Variants in WSCD2 observed in about 807,000 individuals in gnomAD.
The protein encoded by WSCD2 is sialate:O-sulfotransferase 2.
Under a neutral mutation model 55.7 loss-of-function variants are expected in WSCD2, and 28 were observed. That is an observed-to-expected ratio of 0.50 (90% CI 0.37 to 0.69). WSCD2 has a LOEUF of 0.69. Ranked by LOEUF, WSCD2 falls within the 30% of genes least tolerant of loss-of-function variation. WSCD2 has a pLI of 0.00. For synonymous variants in WSCD2, 301 were observed against 301.9 expected (o/e 1.00, Z 0.03); for missense variants, 616 against 762.1 (o/e 0.81, Z 2.26).
intron 1 of WSCD2, among the ~76,000 whole-genome samples, chr12:108,139,472 T>C (rs1876558717): frequency 6.6e-6 from 1 of 152,152 alleles, no homozygotes; most frequent in Non-Finnish European, 1.5e-5. Context: ...TCCAGAGTAG[T>C]ACATGCTGCA....
rs764467673 is a variant in WSCD2, at chr12:108,227,124, G to A, written c.939G>A (p.Gly313=). The A allele has an allele frequency of 1.4e-5, 23 of 1,614,046 alleles. No individual in the cohort carries two copies. Among genetic ancestry groups the A allele is most frequent in the Admixed American group, 5.0e-5 (3 of 60,004 alleles). The change falls in exon 6 of 9, where the codon GGG becomes GGA. Residue 313 remains glycine, a synonymous_variant. Coordinates refer to ENST00000547525, the MANE Select transcript of WSCD2 (RefSeq NM_014653.4). Reference sequence around the variant, plus strand: ...GCGCGGAGGAGTTTGAGAGCTGCGGGACTCCTAGTTACTTCATTGTGTACC... The same window carrying A: ...GCGCGGAGGAGTTTGAGAGCTGCGGAACTCCTAGTTACTTCATTGTGTACC... ...KCSAEEFESC[G]TPSYFIVYQT... is the part of the protein sequence containing the mutation.
intron 8 of WSCD2, among the ~76,000 whole-genome samples, chr12:108,243,050 C>T (rs1436621146): frequency 2.6e-5 from 4 of 152,250 alleles, no homozygotes; most frequent in Non-Finnish European, 4.4e-5. Context: ...CCAGTCTCCA[C>T]TCAGCCCATT....
chr12:108,219,766 C>T (rs887265916), intron 4 of WSCD2, among the ~76,000 whole-genome samples: 2 of 152,226 alleles, frequency 1.3e-5, no homozygotes, highest in Non-Finnish European at 2.9e-5. Flanking sequence ...GTACCCAGGA[C>T]AACCCCAAAG....
chr12:108,148,814 C>A (rs1981936), intron 1 of WSCD2, among the ~76,000 whole-genome samples: 100,473 of 152,054 alleles, frequency 0.66, 35,408 homozygotes, highest in East Asian at 0.91. Flanking sequence ...CACTGAAGCC[C>A]CTGACAATAT....
chr12:108,219,755 G>C (rs1317489432), intron 4 of WSCD2, among the ~76,000 whole-genome samples: 2 of 152,166 alleles, frequency 1.3e-5, no homozygotes, highest in African/African-American at 4.8e-5. Context: ...TCCCTGCAAG[G>C]GTACCCAGGA....
intron 4 of WSCD2, among the ~76,000 whole-genome samples, chr12:108,215,697 G>C (rs1544885): frequency 0.067 from 10,249 of 152,178 alleles, 555 homozygotes; most frequent in African/African-American, 0.16. Context: ...TAATGCAGTG[G>C]AGCTTGGCCT....
chr12:108,185,561 C>T (rs1348968210), intron 1 of WSCD2, among the ~76,000 whole-genome samples: 1 of 152,176 alleles, frequency 6.6e-6, no homozygotes, highest in Non-Finnish European at 1.5e-5. Flanking sequence ...TCAGTGACCC[C>T]ACAGTGAGAA....
At chr12:108,157,679 G>A (rs1228938976) in intron 1 of WSCD2, among the ~76,000 whole-genome samples, 1 of 152,192 alleles carries the variant, frequency 6.6e-6, no homozygotes, top group African/African-American at 2.4e-5. Context: ...GCTGAGTGCA[G>A]CTGCTGTCTC....
At chr12:108,184,961 A>G (rs552336268) in intron 1 of WSCD2, among the ~76,000 whole-genome samples, 17 of 152,266 alleles carry the variant, frequency 1.1e-4, no homozygotes, top group African/African-American at 3.9e-4. Context: ...TTGAGCTCTG[A>G]AGAGGGACAG....
intron 1 of WSCD2, among the ~76,000 whole-genome samples, chr12:108,162,144 G>A (rs1231518113): frequency 6.6e-6 from 1 of 152,236 alleles, no homozygotes. Flanking sequence ...CAGAATACTG[G>A]TGAGGGTGGA....
At position 108,249,089 on chromosome 12, in the gene WSCD2, G is replaced by A. The variant is rs1465726945; in HGVS notation, c.*746G>A. On this transcript the variant is annotated 3_prime_UTR_variant, in exon 9 of 9. Transcript: ENST00000547525. ...TGCTGTGTCCAGGAGGTGACCTTGA[G>A]ATCCTGATACCACCTTCAAGGAACC... The A allele has an allele frequency of 4.4e-6, 1 of 225,872 alleles. No homozygotes were observed. The highest frequency in any genetic ancestry group is 7.4e-6 in the Non-Finnish European group (1 of 135,298). 14.0% of individuals were successfully genotyped at this position (225,872 alleles called of 1,614,324 possible). A position where few individuals can be genotyped will look rare whatever the true frequency, so the allele number is the denominator to read the frequency against.
intron 8 of WSCD2, 52 bp from the exon 9 acceptor site, chr12:108,247,939 G>A: frequency 6.4e-7 from 1 of 1,568,584 alleles, no homozygotes; most frequent in South Asian, 1.2e-5. Context: ...ATCTGACTGG[G>A]TCTTTCAAAC....
chr12:108,208,222 G>T (rs1170057614), intron 3 of WSCD2, among the ~76,000 whole-genome samples: 1 of 152,154 alleles, frequency 6.6e-6, no homozygotes, highest in East Asian at 1.9e-4. Context: ...TGAACAATAG[G>T]CTTGGGCAAT....
At chr12:108,191,038 AG>A in intron 1 of WSCD2, among the ~76,000 whole-genome samples, 1 of 152,190 alleles carries the variant, frequency 6.6e-6, no homozygotes, top group Non-Finnish European at 1.5e-5. Flanking sequence ...GAATGACAGG[AG>A]GGGATATTAA....
At chr12:108,240,235 C>A (rs369854300) in intron 7 of WSCD2, 109 bp from the exon 8 acceptor site, 3 of 1,362,504 alleles carry the variant, frequency 2.2e-6, no homozygotes, top group East Asian at 2.3e-5. Flanking sequence ...ACGCGAATGA[C>A]TGAGTGAACA....
chr12:108,144,779 C>G (rs1877217543), intron 1 of WSCD2, among the ~76,000 whole-genome samples: 1 of 152,164 alleles, frequency 6.6e-6, no homozygotes, highest in Admixed American at 6.5e-5. Flanking sequence ...ATACCAGGCC[C>G]TTTCCCAGCA....
intron 6 of WSCD2, among the ~76,000 whole-genome samples, chr12:108,228,882 T>G (rs1055721927): frequency 6.6e-6 from 1 of 152,096 alleles, no homozygotes; most frequent in Non-Finnish European, 1.5e-5. Context: ...AAGGATGGGT[T>G]TTTGTTAGCT....
In WSCD2 at chr12:108,175,631, T is replaced by C. The variant is rs115673381; in HGVS notation, c.-551-19651T>C. On this transcript the variant is annotated intron_variant, in intron 1 of 8. Coordinates refer to ENST00000547525, the MANE Select transcript of WSCD2 (RefSeq NM_014653.4). ...ACTGCTCTGGGAGCAAAGCAGGCAA[T>C]GGGATGAGGGGCGTGTGGGAACCCA... Among the ~76,000 whole-genome samples the C allele has an allele frequency of 4.3e-3, 656 of 152,252 alleles. 11 individuals are homozygous for C. The highest frequency in any genetic ancestry group is 0.015 in the African/African-American group (628 of 41,560).
rs1467950025 is a variant in WSCD2, at chr12:108,248,483, G to A, written c.*140G>A. The A allele has an allele frequency of 7.0e-7, 1 of 1,434,084 alleles. No individual in the cohort carries two copies. Among genetic ancestry groups the A allele is most frequent in the Non-Finnish European group, 9.1e-7 (1 of 1,097,068 alleles). The allele number at this position is 1,434,084 out of a possible 1,614,324, so 88.8% of individuals were successfully genotyped here. A position where few individuals can be genotyped will look rare whatever the true frequency, so the allele number is the denominator to read the frequency against. On this transcript the variant is annotated 3_prime_UTR_variant, in exon 9 of 9. Coordinates refer to ENST00000547525, the MANE Select transcript of WSCD2 (RefSeq NM_014653.4). This position sits in a 1 kb window ranked among gnomAD's most constrained non-coding sequence, Gnocchi z 4.3. ...CTTGGCTGCTCTTTGCCTTCAATGA[G>A]TTTCCTGCATGACAGAGGAGGCTCA...
Sources: allele counts gnomAD v4.1 joint callset (sites outside exome capture counted in the v4.1 genomes callset), GRCh38; gene constraint gnomAD v4.1.1; non-coding constraint Gnocchi (gnomAD v3.1); transcripts MANE v1.5; gene names NCBI Gene and HGNC (gene_info 2026-07-23, HGNC 2026-07-21).